The following ERBB4 variants were observed in gnomAD, a reference collection of about 807,000 sequenced individuals.
The protein encoded by ERBB4 is erb-b2 receptor tyrosine kinase 4, also known as receptor tyrosine-protein kinase erbB-4.
A neutral mutation model predicts 158.0 loss-of-function variants in ERBB4; 42 were observed. That is an observed-to-expected ratio of 0.27 (90% CI 0.21 to 0.34). The LOEUF is 0.34. Among genes scored for constraint, ERBB4 ranks in the 10% least tolerant of loss-of-function variants. The probability of loss-of-function intolerance (pLI) is 1.00; values close to 1 mark genes in which losing one functional copy is unlikely to be tolerated. For missense variants in ERBB4, 1,333 were observed against 1,624.1 expected, an observed-to-expected ratio of 0.82 and a Z score of 3.08; for synonymous variants, 583 against 558.7, an observed-to-expected ratio of 1.04 and a Z score of -0.61.
At chr2:212,371,970 AG>A (rs1449528393) in intron 1 of ERBB4, among the ~76,000 whole-genome samples, 36 of 152,346 alleles carry the variant, frequency 2.4e-4, no homozygotes, top group African/African-American at 7.7e-4. Flanking sequence ...AGATGGCAAT[AG>A]TATATAAAAT....
At chr2:211,851,652 T>A (rs1300829316) in intron 3 of ERBB4, among the ~76,000 whole-genome samples, 1 of 151,922 alleles carries the variant, frequency 6.6e-6, no homozygotes, top group Non-Finnish European at 1.5e-5. Context: ...GTTATAAGGA[T>A]CACGTGGTAT....
At chr2:212,395,111 T>C (rs182162887) in intron 1 of ERBB4, among the ~76,000 whole-genome samples, 3 of 152,288 alleles carry the variant, frequency 2.0e-5, no homozygotes. Context: ...CAGTGTCTGC[T>C]ATATATATGT....
chr2:211,452,240 C>T (rs879773061), intron 20 of ERBB4, among the ~76,000 whole-genome samples: 8 of 152,194 alleles, frequency 5.3e-5, no homozygotes, highest in South Asian at 4.1e-4. Flanking sequence ...TGCAATGGCG[C>T]GATCTCGGCT....
At chr2:212,219,892 A>C (rs569590357) in intron 1 of ERBB4, among the ~76,000 whole-genome samples, 1 of 151,164 alleles carries the variant, frequency 6.6e-6, no homozygotes, top group East Asian at 1.9e-4. Flanking sequence ...TAACTTCAAA[A>C]ATAGGCTTTA....
intron 1 of ERBB4, among the ~76,000 whole-genome samples, chr2:212,283,879 A>G (rs2085854700): frequency 6.6e-6 from 1 of 152,076 alleles, no homozygotes; most frequent in Admixed American, 6.6e-5. Context: ...AAATGAATCC[A>G]CAGTTGTTAT....
At chr2:211,632,995 C>T (rs1176927483) in intron 16 of ERBB4, among the ~76,000 whole-genome samples, 1 of 152,082 alleles carries the variant, frequency 6.6e-6, no homozygotes, top group Non-Finnish European at 1.5e-5. Flanking sequence ...CCTATTCCCA[C>T]AGAATTTACG....
intron 19 of ERBB4, among the ~76,000 whole-genome samples, chr2:211,593,204 A>C (rs533529778): frequency 4.6e-5 from 7 of 152,324 alleles, no homozygotes; most frequent in African/African-American, 1.7e-4. Context: ...ACGATGGAAC[A>C]AGAAAGTAAA....
intron 3 of ERBB4, among the ~76,000 whole-genome samples, chr2:211,912,783 C>T (rs2079571235): frequency 6.6e-6 from 1 of 152,142 alleles, no homozygotes; most frequent in Non-Finnish European, 1.5e-5. Context: ...ACTTCTCTTT[C>T]TAGGCATTTC....
rs1004329173 is a variant in ERBB4 at position 212,349,435 on chromosome 2, T to C, written c.82+189014A>G. Among the ~76,000 whole-genome samples, 77 of 152,224 alleles carry C rather than the reference T, an allele frequency of 5.1e-4. 1 individual carries two copies. The highest frequency in any genetic ancestry group is 6.0e-4 in the Non-Finnish European group (41 of 67,984). On this transcript the variant is annotated intron_variant, in intron 1 of 27. Transcript: ENST00000342788. ...TTATTGAACAACAGTTGTTCTAAAA[T>C]GTATACAATTGTTACCAATTAGGAA...
At chr2:211,682,091 C>CACACAA in intron 12 of ERBB4, among the ~76,000 whole-genome samples, 1 of 136,638 alleles carries the variant, frequency 7.3e-6, no homozygotes, top group Non-Finnish European at 1.6e-5. Flanking sequence ...CACACACACA[C>CACACAA]AATTGGCTCA....
intron 1 of ERBB4, among the ~76,000 whole-genome samples, chr2:212,176,655 GT>G (rs2125681794): frequency 6.6e-6 from 1 of 151,994 alleles, no homozygotes; most frequent in South Asian, 2.1e-4. Flanking sequence ...TCATCCTTCT[GT>G]TTTTACCTTA....
intron 20 of ERBB4, among the ~76,000 whole-genome samples, chr2:211,474,220 T>G (rs1303444526): frequency 6.6e-6 from 1 of 152,006 alleles, no homozygotes; most frequent in Non-Finnish European, 1.5e-5. Context: ...TAATAAATAA[T>G]CTGTCTCTGG....
chr2:212,153,877 T>C (rs2080949307), intron 1 of ERBB4, among the ~76,000 whole-genome samples: 1 of 152,108 alleles, frequency 6.6e-6, no homozygotes. Flanking sequence ...TGCTGTTCTA[T>C]CCCAGTTTTT....
intron 25 of ERBB4, among the ~76,000 whole-genome samples, chr2:211,407,757 A>G (rs1333576401): frequency 6.6e-6 from 1 of 152,228 alleles, no homozygotes; most frequent in Non-Finnish European, 1.5e-5. Flanking sequence ...ACACGCTGCT[A>G]TGTCAGAATT....
At chr2:212,428,183 T>C (rs2091955356) in intron 1 of ERBB4, among the ~76,000 whole-genome samples, 1 of 152,192 alleles carries the variant, frequency 6.6e-6, no homozygotes, top group Non-Finnish European at 1.5e-5. Context: ...GCATGAATTT[T>C]ATATACAGGA....
At chr2:212,509,813 C>T (rs1310222206) in intron 1 of ERBB4, among the ~76,000 whole-genome samples, 2 of 151,748 alleles carry the variant, frequency 1.3e-5, no homozygotes, top group African/African-American at 2.4e-5. Flanking sequence ...GTTGAACTTA[C>T]AGTCAGTTAG....
At chr2:211,747,815 A>G (rs1448842256) in intron 5 of ERBB4, among the ~76,000 whole-genome samples, 1 of 151,770 alleles carries the variant, frequency 6.6e-6, no homozygotes, top group Non-Finnish European at 1.5e-5. Flanking sequence ...CCATCTATGT[A>G]TATATAATAT....
chr2:212,265,375 T>C (rs1389265437), intron 1 of ERBB4, among the ~76,000 whole-genome samples: 1 of 148,900 alleles, frequency 6.7e-6, no homozygotes, highest in East Asian at 2.0e-4. Context: ...GATATCTGAG[T>C]TGATAATGAG....
intron 20 of ERBB4, among the ~76,000 whole-genome samples, chr2:211,555,474 T>C (rs62180216): frequency 0.32 from 47,963 of 152,114 alleles, 10,040 homozygotes; most frequent in African/African-American, 0.6. Flanking sequence ...CATGAGCCAC[T>C]ACGCCCAGCC....
Sources: allele counts gnomAD v4.1 joint callset (sites outside exome capture counted in the v4.1 genomes callset), GRCh38; gene constraint gnomAD v4.1.1; transcripts MANE v1.5; gene names NCBI Gene and HGNC (gene_info 2026-07-23, HGNC 2026-07-21).